Variants in JAG1 observed in about 807,000 individuals in gnomAD.
JAG1 encodes the protein protein jagged-1.
In JAG1, 23 loss-of-function variants were observed where a neutral mutation model predicts 148.7. That is an observed-to-expected ratio of 0.15 (90% CI 0.11 to 0.22). The LOEUF (loss-of-function observed/expected upper bound fraction) is 0.22, where lower values mean the gene tolerates loss of function less well. Ranked by LOEUF, JAG1 falls within the 10% of genes least tolerant of loss-of-function variation. The probability of loss-of-function intolerance (pLI) is 1.00; values close to 1 mark genes in which losing one functional copy is unlikely to be tolerated. For missense variants in JAG1, 1,054 were observed against 1,611.2 expected (o/e 0.65, Z 5.92); for synonymous variants, 572 against 598.3 (o/e 0.96, Z 0.64).
In JAG1 at chr20:10,673,209, C is replaced by A. The variant is rs1311436483; in HGVS notation, c.82-203G>T. ...CACGAGTGCGGAAGAAATCCGACGA[C>A]TTCCCGGGGGGCAACAGCGGAGCGA... On this transcript the variant is annotated intron_variant, in intron 1 of 25. Coordinates refer to ENST00000254958, the MANE Select transcript of JAG1 (RefSeq NM_000214.3). This position sits in a 1 kb window ranked among gnomAD's most constrained non-coding sequence, Gnocchi z 4.7. 1.3e-5 allele frequency among the ~76,000 whole-genome samples: 2 copies of A among 151,368 alleles called. No homozygotes were observed. The highest frequency in any genetic ancestry group is 3.9e-4 in the East Asian group (2 of 5,156).
chr20:10,657,237 A>G (rs2067384809), intron 4 of JAG1, among the ~76,000 whole-genome samples: 1 of 151,882 alleles, frequency 6.6e-6, no homozygotes, highest in African/African-American at 2.4e-5. Flanking sequence ...GCATGTGCCT[A>G]TAGTCCCAGC....
rs1404990182 is a variant in JAG1, at chr20:10,646,014, C to T, written c.1956G>A (p.Lys652=). ...CCTCCCAGCCGTCACTACAGATGCA[C>T]TTGTAGGAGTTGACACCATCGATGC... ...GTCIDGVNSY[K]CICSDGWEGA... is the part of the protein sequence containing the mutation. The change falls in exon 15 of 26, where the codon AAG becomes AAA. Residue 652 remains lysine (K), a synonymous_variant. Transcript: ENST00000254958. 6.2e-7 allele frequency: 1 copy of T among 1,614,046 alleles called. No homozygotes were observed. Among genetic ancestry groups the T allele is most frequent in the South Asian group, 1.1e-5 (1 of 91,086 alleles).
At chr20:10,649,812 A>G (rs1380225419) in intron 9 of JAG1, 177 bp from the exon 10 acceptor site, 1 of 638,348 alleles carries the variant, frequency 1.6e-6, no homozygotes, top group Non-Finnish European at 2.8e-6. Context: ...CTCCCTAGCT[A>G]TTATCCAATA....
Position 10,651,571 on chromosome 20 carries a change from T to C in JAG1, c.1120+10A>G, listed in dbSNP as rs201711717. On this transcript the variant is annotated intron_variant, in intron 8 of 25. Transcript: ENST00000254958. ...CCTTAGAATGGACACAGGCTGAAAA[T>C]TGGACTTACTTGTAGAGCATGTGGG... 1.9e-4 allele frequency: 306 copies of C among 1,579,052 alleles called. No individual in the cohort carries two copies. In the African/African-American group the frequency reaches 3.5e-3, roughly 18 times the overall value.
intron 21 of JAG1, 24 bp from the exon 22 acceptor site, chr20:10,641,916 A>C (rs1322503524): frequency 6.7e-7 from 1 of 1,494,368 alleles, no homozygotes; most frequent in Admixed American, 1.7e-5. Flanking sequence ...ACGGGTGAGC[A>C]GTTTATTTTT....
At chr20:10,647,594 G>A (rs1568795548) in intron 13 of JAG1, among the ~76,000 whole-genome samples, 1 of 152,164 alleles carries the variant, frequency 6.6e-6, no homozygotes, top group Non-Finnish European at 1.5e-5. Flanking sequence ...ACATGGCCTG[G>A]GGCTCCCATA....
chr20:10,646,056 A>G lies in JAG1; in HGVS notation c.1914T>C (p.Cys638=), dbSNP rs1261301855. Residue 638 remains cysteine (C), a synonymous_variant, in exon 15 of 26, where the codon TGT becomes TGC. Coordinates refer to ENST00000254958, the MANE Select transcript of JAG1 (RefSeq NM_000214.3). ...CATCGATGCAAGTGCCACCGTTTCT[A>G]CAAGGGTTGCTCTCACAGTCATTAA... ...ENINDCESNP[C]RNGGTCIDGV... The G allele has an allele frequency of 2.5e-6, 4 of 1,613,620 alleles. No homozygotes were observed. The South Asian group carries it at 4.4e-5, about 18-fold the overall frequency.
Position 10,639,366 on chromosome 20 carries a change from G to A in JAG1, c.*132C>T. ...ACAGAAACTACCATTGCCAGTGTAA[G>A]CCAGCTTGTCAAAACTTAAATTAAC... On this transcript the variant is annotated 3_prime_UTR_variant, in exon 26 of 26. Coordinates refer to ENST00000254958, the MANE Select transcript of JAG1 (RefSeq NM_000214.3). The A allele has an allele frequency of 1.1e-6, 1 of 877,690 alleles. No homozygotes were observed. The highest frequency in any genetic ancestry group is 1.3e-5 in the South Asian group (1 of 75,384). The allele number at this position is 877,690 out of a possible 1,614,324, so 54.4% of individuals were successfully genotyped here.
In JAG1 at chr20:10,673,856, TTATTC is replaced by T. The variant is rs1257395430; in HGVS notation, c.-331_-327del. On this transcript the variant is annotated 5_prime_UTR_variant, in exon 1 of 26. Coordinates refer to ENST00000254958, the MANE Select transcript of JAG1 (RefSeq NM_000214.3). This position sits in a 1 kb window ranked among gnomAD's most constrained non-coding sequence, Gnocchi z 4.7. ...TATTATTATGATTATGCGCAGCCTTTTATTCCCTTTTAGATCAGCTGCATGGAAAA... is the reference window on the plus strand; with the variant it reads ...TATTATTATGATTATGCGCAGCCTTTCCTTTTAGATCAGCTGCATGGAAAA... 2 of 169,152 alleles carry T rather than the reference TTATTC, an allele frequency of 1.2e-5. No homozygotes were observed. Among genetic ancestry groups the T allele is most frequent in the Non-Finnish European group, 2.5e-5 (2 of 79,778 alleles). The allele number at this position is 169,152 out of a possible 1,614,324, so 10.5% of individuals were successfully genotyped here.
intron 6 of JAG1, 73 bp downstream of exon 6, chr20:10,652,395 A>C (rs1296480758): frequency 6.2e-7 from 1 of 1,604,486 alleles, no homozygotes; most frequent in Non-Finnish European, 8.5e-7. Context: ...GCCCCTGCCA[A>C]TAAAATTAGA....
chr20:10,658,211 C>T (rs1000294886), intron 4 of JAG1, among the ~76,000 whole-genome samples: 2 of 152,250 alleles, frequency 1.3e-5, no homozygotes, highest in African/African-American at 2.4e-5. Flanking sequence ...TGGCCAAGGA[C>T]GAGTCTCCTG....
In JAG1 at chr20:10,643,851, G is replaced by A. The variant is rs1352321713; in HGVS notation, c.2385C>T (p.Gly795=). 9.9e-6 allele frequency: 16 copies of A among 1,613,846 alleles called. No individual in the cohort carries two copies. The highest frequency in any genetic ancestry group is 1.4e-5 in the Non-Finnish European group (16 of 1,179,920). Residue 795 remains glycine, a synonymous_variant, in exon 20 of 26, where the codon GGC becomes GGT. Coordinates refer to ENST00000254958, the MANE Select transcript of JAG1 (RefSeq NM_000214.3). ...DCSPHPCYNS[G]TCVDGDNWYR... is the part of the protein sequence containing the mutation. ...ACCAGTTGTCTCCATCCACACAGGT[G>A]CCGCTGTTGTAACTAAGAAAGCAAA...
intron 24 of JAG1, 38 bp downstream of exon 24, chr20:10,641,075 C>T (rs776959795): frequency 6.2e-7 from 1 of 1,613,842 alleles, no homozygotes; most frequent in African/African-American, 1.3e-5. Flanking sequence ...AACTGCCTTG[C>T]CATCGAATAA....
At chr20:10,654,214 G>A (rs2067364066) in intron 5 of JAG1, among the ~76,000 whole-genome samples, 1 of 152,160 alleles carries the variant, frequency 6.6e-6, no homozygotes, top group African/African-American at 2.4e-5. Flanking sequence ...GGCAAGGAGA[G>A]GCAGCTGAGG....
intron 8 of JAG1, 82 bp downstream of exon 8, chr20:10,651,499 G>T: frequency 1.1e-6 from 1 of 900,050 alleles, no homozygotes; most frequent in East Asian, 2.6e-5. Context: ...ATTCACACTG[G>T]ACAAGCCTAG....
chr20:10,652,357 C>G (rs940434832), intron 6 of JAG1, 107 bp from the exon 7 acceptor site: 39 of 1,596,318 alleles, frequency 2.4e-5, no homozygotes, highest in Non-Finnish European at 3.2e-5. Flanking sequence ...AAAACCCACA[C>G]AGCATTCAAG....
At position 10,639,738 on chromosome 20, in the gene JAG1, A is replaced by G. The variant is rs1051419; in HGVS notation, c.3417T>C (p.Tyr1139=). Reference sequence around the variant, plus strand: ...TAGACATTTTGGAGTTCTTGTTCTCATAATCCTTGATGGGGACCGTGTTGG... The same window carrying G: ...TAGACATTTTGGAGTTCTTGTTCTCGTAATCCTTGATGGGGACCGTGTTGG... ...HGANTVPIKD[Y]ENKNSKMSKI... Residue 1139 remains tyrosine (Y), a synonymous_variant, in exon 26 of 26, where the codon TAT becomes TAC. Coordinates refer to ENST00000254958, the MANE Select transcript of JAG1 (RefSeq NM_000214.3). 1,043,408 of 1,613,856 alleles carry G rather than the reference A, an allele frequency of 0.65. 342,200 individuals carry two copies. Among genetic ancestry groups the G allele is most frequent in the African/African-American group, 0.9 (67,832 of 75,004 alleles).
At chr20:10,639,989 A>C in intron 25 of JAG1, 34 bp from the exon 26 acceptor site, 11 of 1,502,732 alleles carry the variant, frequency 7.3e-6, no homozygotes, top group Non-Finnish European at 8.3e-6. Flanking sequence ...TTAACTCTCC[A>C]AGAAAGAAAG....
rs753841056 is a variant in JAG1 at position 10,648,676 on chromosome 20, C to T, written c.1442G>A (p.Gly481Asp). ...ATCGATGTCTCTCTCACAGTGATCG[C>T]CTGCATAGCCAGGTGGACAGATACA... ...YRCICPPGYA[G>D]DHCERDIDEC... Residue 481 changes from glycine to aspartate, a missense_variant, in exon 12 of 26, where the codon GGC (glycine) becomes GAC (aspartate). Transcript: ENST00000254958. 1.2e-6 allele frequency: 2 copies of T among 1,614,166 alleles called. No homozygotes were observed. The highest frequency in any genetic ancestry group is 4.5e-5 in the East Asian group (2 of 44,882).
Sources: gnomAD v4.1 joint callset for allele counts (sites outside exome capture counted in the v4.1 genomes callset) on GRCh38, gnomAD v4.1.1 for gene constraint, Gnocchi (gnomAD v3.1) non-coding constraint, MANE v1.5 for transcripts, NCBI Gene and HGNC (gene_info 2026-07-23, HGNC 2026-07-21) for gene names.